CYP3A7: variants seen among roughly 807,000 people sequenced by gnomAD.
CYP3A7 encodes the protein cytochrome P450 family 3 subfamily A member 7.
A neutral mutation model predicts 55.2 loss-of-function variants in CYP3A7; 45 were observed. That is an observed-to-expected ratio of 0.82 (90% CI 0.64 to 1.05). The LOEUF is 1.05. CYP3A7 is among the 50% of genes least tolerant of loss of function. The pLI, the probability that CYP3A7 is intolerant of heterozygous loss-of-function variation, is 0.00. For synonymous variants in CYP3A7, 180 were observed against 207.4 expected, an observed-to-expected ratio of 0.87 and a Z score of 1.13; for missense variants, 548 against 605.3, an observed-to-expected ratio of 0.91 and a Z score of 0.99.
intron 2 of CYP3A7, among the ~76,000 whole-genome samples, chr7:99,722,739 G>T (rs546167946): frequency 6.6e-6 from 1 of 152,172 alleles, no homozygotes; most frequent in Non-Finnish European, 1.5e-5. Context: ...AGAAGGGAAC[G>T]TGCAGTCTTT....
intron 2 of CYP3A7, among the ~76,000 whole-genome samples, chr7:99,722,846 C>T (rs2687143): frequency 0.76 from 115,902 of 152,060 alleles, 47,137 homozygotes; most frequent in Non-Finnish European, 0.91. Flanking sequence ...CCTCTTTTAG[C>T]CTAGCAGATT....
chr7:99,717,988 C>T (rs565238052), intron 4 of CYP3A7, among the ~76,000 whole-genome samples: 17 of 152,148 alleles, frequency 1.1e-4, no homozygotes, highest in African/African-American at 3.9e-4. Context: ...TTGCCTCAGA[C>T]GAGCTCTGTC....
intron 10 of CYP3A7, among the ~76,000 whole-genome samples, chr7:99,709,857 A>G (rs1176365884): frequency 1.3e-5 from 2 of 152,172 alleles, no homozygotes; most frequent in Non-Finnish European, 2.9e-5. Flanking sequence ...GTGGAGAGAA[A>G]CACTATATTA....
chr7:99,728,852 T>A (rs967109172), intron 2 of CYP3A7, among the ~76,000 whole-genome samples: 2 of 152,176 alleles, frequency 1.3e-5, no homozygotes, highest in Non-Finnish European at 2.9e-5. Context: ...TTCTAATGAC[T>A]TTTCTGCTAG....
At chr7:99,714,828 C>A in intron 7 of CYP3A7, 146 bp from the exon 8 acceptor site, 4 of 1,402,996 alleles carry the variant, frequency 2.9e-6, no homozygotes, top group Non-Finnish European at 3.8e-6. Flanking sequence ...GACTTTTGCC[C>A]CTCTTCCAGG....
chr7:99,707,604 A>G (rs1208849443), intron 12 of CYP3A7, among the ~76,000 whole-genome samples: 1 of 152,210 alleles, frequency 6.6e-6, no homozygotes, highest in Admixed American at 6.5e-5. Flanking sequence ...GCTAGTCTAC[A>G]TTGACATTGC....
intron 10 of CYP3A7, 52 bp downstream of exon 10, chr7:99,710,680 T>C: frequency 1.2e-6 from 2 of 1,613,292 alleles, no homozygotes; most frequent in East Asian, 2.2e-5. Context: ...TGAGGAAGCA[T>C]CTTTGCTAAG....
intron 4 of CYP3A7, among the ~76,000 whole-genome samples, chr7:99,718,671 A>G (rs1031680039): frequency 6.2e-4 from 95 of 152,328 alleles, no homozygotes; most frequent in African/African-American, 2.2e-3. Flanking sequence ...TATACTGGGA[A>G]AAAGAATTAA....
At chr7:99,714,776 T>G in intron 7 of CYP3A7, 94 bp from the exon 8 acceptor site, 2 of 1,561,166 alleles carry the variant, frequency 1.3e-6, no homozygotes, top group Non-Finnish European at 1.7e-6. Context: ...ATCAGAAGAG[T>G]GAAATACATC....
chr7:99,715,612 A>G (rs1434684384), intron 7 of CYP3A7, 146 bp downstream of exon 7: 30 of 1,397,270 alleles, frequency 2.1e-5, no homozygotes, highest in South Asian at 2.0e-4. Context: ...AAAGTTTACA[A>G]TGGTGATGGT....
At chr7:99,711,187 A>C (rs942665348) in intron 9 of CYP3A7, among the ~76,000 whole-genome samples, 2 of 152,204 alleles carry the variant, frequency 1.3e-5, no homozygotes, top group Non-Finnish European at 1.5e-5. Context: ...ACATTTCTGC[A>C]TAACATACTC....
intron 6 of CYP3A7, 57 bp from the exon 7 acceptor site, chr7:99,715,963 T>C (rs1383045610): frequency 1.9e-6 from 3 of 1,611,674 alleles, no homozygotes; most frequent in African/African-American, 1.3e-5. Flanking sequence ...ATCCTTCCTC[T>C]ATGCGTGCAG....
At chr7:99,722,876 T>C (rs1584518354) in intron 2 of CYP3A7, among the ~76,000 whole-genome samples, 1 of 152,178 alleles carries the variant, frequency 6.6e-6, no homozygotes, top group East Asian at 1.9e-4. Context: ...GTGAGGCATG[T>C]TTGTTGAGTG....
At chr7:99,710,607 C>G in intron 10 of CYP3A7, 125 bp downstream of exon 10, 1 of 1,530,302 alleles carries the variant, frequency 6.5e-7, no homozygotes, top group Non-Finnish European at 8.8e-7. Context: ...TGAGAGCCTT[C>G]CTACATATTG....
At chr7:99,715,651 C>T in intron 7 of CYP3A7, 107 bp downstream of exon 7, 1 of 1,567,280 alleles carries the variant, frequency 6.4e-7, no homozygotes, top group Non-Finnish European at 8.8e-7. Context: ...TACTACAAAC[C>T]ATTAAACTGT....
At chr7:99,707,264 T>C (rs1463001106) in intron 12 of CYP3A7, among the ~76,000 whole-genome samples, 1 of 152,160 alleles carries the variant, frequency 6.6e-6, no homozygotes, top group Non-Finnish European at 1.5e-5. Flanking sequence ...TACCTTAAAT[T>C]AGTCATTTTC....
intron 2 of CYP3A7, among the ~76,000 whole-genome samples, chr7:99,728,607 C>T (rs1814504923): frequency 1.3e-5 from 2 of 152,202 alleles, no homozygotes; most frequent in Non-Finnish European, 2.9e-5. Context: ...GTACATATGT[C>T]TATCTGCTAA....
At chr7:99,715,632 C>A in intron 7 of CYP3A7, 126 bp downstream of exon 7, 1 of 1,504,472 alleles carries the variant, frequency 6.6e-7, no homozygotes, top group Admixed American at 1.7e-5. Flanking sequence ...TCGTACATAT[C>A]TTCAAATGTA....
intron 2 of CYP3A7, chr7:99,730,829 G>C (rs999552348): frequency 4.3e-5 from 22 of 513,674 alleles, no homozygotes; most frequent in Admixed American, 9.6e-5. Flanking sequence ...ACATCAGATT[G>C]CTGGATCTAC....
Sources: gnomAD v4.1 joint callset for allele counts (sites outside exome capture counted in the v4.1 genomes callset) on GRCh38, gnomAD v4.1.1 for gene constraint, MANE v1.5 for transcripts, NCBI Gene and HGNC (gene_info 2026-07-23, HGNC 2026-07-21) for gene names.